ANKRD30A: variants seen among roughly 807,000 people sequenced by gnomAD.
ANKRD30A encodes ankyrin repeat domain 30A.
A neutral mutation model predicts 166.3 loss-of-function variants in ANKRD30A; 170 were observed. That is an observed-to-expected ratio of 1.02 (90% confidence interval 0.90 to 1.16). ANKRD30A has a LOEUF of 1.16. ANKRD30A is among the 50% of genes most tolerant of loss of function. ANKRD30A has a pLI of 0.00. For missense variants in ANKRD30A, 1,630 were observed against 1,518.0 expected (o/e 1.07, Z -1.23); for synonymous variants, 564 against 508.9 (o/e 1.11, Z -1.46).
At chr10:37,184,091 A>C (rs1840241640) in intron 24 of ANKRD30A, among the ~76,000 whole-genome samples, 2 of 151,256 alleles carry the variant, frequency 1.3e-5, no homozygotes, top group African/African-American at 4.8e-5. Flanking sequence ...GCAAAAGGAG[A>C]GGCCTTTCAT....
rs575863929 is a variant in ANKRD30A at position 37,161,166 on chromosome 10, C to T, written c.1901-1483C>T. On this transcript the variant is annotated intron_variant, in intron 15 of 35. Transcript: ENST00000361713. ...CTCAGGTGATGCTGATGCTGGTGGTCCTTGGAGCTTGCTCTGAGTAGCAAA... is the reference window on the plus strand; with the variant it reads ...CTCAGGTGATGCTGATGCTGGTGGTTCTTGGAGCTTGCTCTGAGTAGCAAA... 5.9e-5 allele frequency among the ~76,000 whole-genome samples: 9 copies of T among 152,240 alleles called. No homozygotes were observed. In the South Asian group the frequency reaches 1.9e-3, roughly 32 times the overall value.
At chr10:37,213,667 T>A (rs1296966632) in intron 31 of ANKRD30A, among the ~76,000 whole-genome samples, 1 of 151,436 alleles carries the variant, frequency 6.6e-6, no homozygotes, top group Non-Finnish European at 1.5e-5. Context: ...CTGTTGTAGA[T>A]GCATTTTACA....
chr10:37,258,799 T>C, the ANKRD30A span, among the ~76,000 whole-genome samples: 2 of 151,026 alleles, frequency 1.3e-5, no homozygotes, highest in Non-Finnish European at 3.0e-5. Flanking sequence ...CCTACTCTAC[T>C]AAAAATACAA....
At chr10:37,260,656 A>G in the ANKRD30A span, among the ~76,000 whole-genome samples, 7 of 152,202 alleles carry the variant, frequency 4.6e-5, no homozygotes, top group African/African-American at 1.7e-4. Context: ...ATTCTTTCAT[A>G]AAAGTCGATT....
chr10:37,222,222 A>G (rs1337421460), intron 34 of ANKRD30A, among the ~76,000 whole-genome samples: 1 of 151,210 alleles, frequency 6.6e-6, no homozygotes, highest in Non-Finnish European at 1.5e-5. Context: ...CCCTAAAGAG[A>G]AACTTCACAT....
chr10:37,138,441 G>A (rs1195957970), intron 6 of ANKRD30A, among the ~76,000 whole-genome samples: 1 of 152,080 alleles, frequency 6.6e-6, no homozygotes, highest in Non-Finnish European at 1.5e-5. Flanking sequence ...GCTAAAGGAG[G>A]AAGTTCGAAC....
intron 31 of ANKRD30A, among the ~76,000 whole-genome samples, chr10:37,210,595 C>T (rs548610947): frequency 6.6e-5 from 10 of 152,214 alleles, no homozygotes; most frequent in South Asian, 6.2e-4. Context: ...AGTGTAAAAA[C>T]GATTCTATTT....
At chr10:37,150,282 A>T (rs1468291563) in intron 11 of ANKRD30A, among the ~76,000 whole-genome samples, 1 of 151,956 alleles carries the variant, frequency 6.6e-6, no homozygotes, top group Non-Finnish European at 1.5e-5. Flanking sequence ...TGGGAATCCT[A>T]AGAAAATCAG....
At chr10:37,166,145 T>G (rs188766208) in intron 18 of ANKRD30A, among the ~76,000 whole-genome samples, 38 of 152,310 alleles carry the variant, frequency 2.5e-4, no homozygotes, top group African/African-American at 8.9e-4. Context: ...CTAAAAGTTC[T>G]CATCATGACA....
At chr10:37,238,509 G>A in the ANKRD30A span, among the ~76,000 whole-genome samples, 76 of 152,096 alleles carry the variant, frequency 5.0e-4, no homozygotes, top group African/African-American at 1.7e-3. Flanking sequence ...AAAAAATGGC[G>A]TCACTTAAAC....
At position 37,153,663 on chromosome 10, in the gene ANKRD30A, G is replaced by A. The variant is rs200154690; in HGVS notation, c.1798+1G>A. ...GATAAAATAAATGGAAAATTAGAAG[G>A]TAAGAACCGTTTTTTATTTAAAAAT... On this transcript the variant is annotated splice_donor_variant, in intron 13 of 35. Coordinates refer to ENST00000361713, the MANE Select transcript of ANKRD30A (RefSeq NM_052997.3). LOFTEE classifies it high-confidence loss of function. The A allele has an allele frequency of 6.0e-5, 96 of 1,587,908 alleles. No homozygotes were observed. Among genetic ancestry groups the A allele is most frequent in the Non-Finnish European group, 8.0e-5 (93 of 1,159,222 alleles).
intron 13 of ANKRD30A, 26 bp downstream of exon 13, chr10:37,153,688 T>C (rs772050134): frequency 2.5e-6 from 4 of 1,608,948 alleles, no homozygotes. Flanking sequence ...TATTTAAAAA[T>C]CAGTTGACCG....
chr10:37,196,277 G>A (rs554271231), intron 27 of ANKRD30A, among the ~76,000 whole-genome samples: 2 of 152,080 alleles, frequency 1.3e-5, no homozygotes, highest in Middle Eastern at 3.4e-3. Context: ...ACTACCGGAA[G>A]CAGGAGTCCT....
chr10:37,252,979 T>C, the ANKRD30A span, among the ~76,000 whole-genome samples: 1 of 152,180 alleles, frequency 6.6e-6, no homozygotes, highest in African/African-American at 2.4e-5. Context: ...CAACCAGCAT[T>C]GGAAATACTG....
intron 3 of ANKRD30A, 64 bp downstream of exon 3, chr10:37,130,442 G>A: frequency 7.8e-7 from 1 of 1,282,476 alleles, no homozygotes; most frequent in Non-Finnish European, 1.0e-6. Context: ...ATTAACATAT[G>A]TAAGGTTTTT....
intron 34 of ANKRD30A, among the ~76,000 whole-genome samples, chr10:37,228,887 A>G (rs1291559255): frequency 6.6e-6 from 1 of 151,962 alleles, no homozygotes; most frequent in Non-Finnish European, 1.5e-5. Flanking sequence ...TTTCCTAACA[A>G]TTGCCCACAA....
Position 37,161,001 on chromosome 10 carries a change from C to G in ANKRD30A, c.1901-1648C>G, listed in dbSNP as rs369212657. On this transcript the variant is annotated intron_variant, in intron 15 of 35. Transcript: ENST00000361713. ...GGGTGCGGTGGCTCACGCCTGTAAT[C>G]CCAGCACGTTGGGAGGCCGTGACTG... 1.4e-3 allele frequency among the ~76,000 whole-genome samples: 206 copies of G among 151,816 alleles called. 2 individuals are homozygous for G. The highest frequency in any genetic ancestry group is 4.3e-3 in the African/African-American group (176 of 41,114).
rs201424299 is a variant in ANKRD30A at position 37,217,745 on chromosome 10, A to G, written c.3134A>G (p.Asn1045Ser). 2.6e-5 allele frequency: 42 copies of G among 1,595,282 alleles called. No individual in the cohort carries two copies. The highest frequency in any genetic ancestry group is 1.7e-4 in the Middle Eastern group (1 of 5,952). Residue 1045 changes from asparagine (N) to serine (S), a missense_variant, in exon 33 of 36, where the codon AAT becomes AGT. Physicochemically the swap from Asn to Ser is conservative, Grantham distance 46. This residue lies in a region of ANKRD30A where 712 missense variants were observed against 629.3 expected (regional missense o/e 1.13). Coordinates refer to ENST00000361713, the MANE Select transcript of ANKRD30A (RefSeq NM_052997.3). ...EEKRRNADILNEKIREELGRI... is the reference protein window; with the variant it reads ...EEKRRNADILSEKIREELGRI... ...AAGAGAAGAAATGCCGATATATTAAATGAAAAAATTAGGGAAGAATTAGGA... is the reference window on the plus strand; with the variant it reads ...AAGAGAAGAAATGCCGATATATTAAGTGAAAAAATTAGGGAAGAATTAGGA...
At chr10:37,224,254 G>T (rs1488202375) in intron 34 of ANKRD30A, among the ~76,000 whole-genome samples, 1 of 150,876 alleles carries the variant, frequency 6.6e-6, no homozygotes, top group Non-Finnish European at 1.5e-5. Context: ...TTGGTAGTAT[G>T]CATATCTGCT....
Sources: allele counts gnomAD v4.1 joint callset (sites outside exome capture counted in the v4.1 genomes callset), GRCh38; gene constraint gnomAD v4.1.1; regional missense constraint gnomAD v4.1.1; transcripts MANE v1.5; gene names NCBI Gene and HGNC (gene_info 2026-07-23, HGNC 2026-07-21).